PRKAR1A: variants seen among roughly 807,000 people sequenced by gnomAD.
The protein encoded by PRKAR1A is protein kinase cAMP-dependent type I regulatory subunit alpha, also known as cAMP-dependent protein kinase type I-alpha regulatory subunit.
PRKAR1A carries 3 observed loss-of-function variants against 52.0 expected under a neutral mutation model. The observed-to-expected ratio is 0.06, with a 90% CI of 0.03 to 0.15. The LOEUF (loss-of-function observed/expected upper bound fraction) is 0.15. Among genes scored for constraint, PRKAR1A ranks in the 10% least tolerant of loss-of-function variants. The pLI is 1.00. For missense variants in PRKAR1A, 240 were observed against 477.4 expected, an observed-to-expected ratio of 0.50 and a Z score of 4.63; for synonymous variants, 188 against 168.4, an observed-to-expected ratio of 1.12 and a Z score of -0.90.
the PRKAR1A span, among the ~76,000 whole-genome samples, chr17:68,462,799 G>A: frequency 2.9e-3 from 443 of 152,330 alleles, 2 homozygotes; most frequent in Non-Finnish European, 4.6e-3. Flanking sequence ...GAGGAGCAAG[G>A]GGTGAAGAGA....
chr17:68,490,513 G>A, the PRKAR1A span, among the ~76,000 whole-genome samples: 1 of 152,170 alleles, frequency 6.6e-6, no homozygotes, highest in Non-Finnish European at 1.5e-5. Context: ...TCCTGCACAG[G>A]GAGTGTTGGG....
chr17:68,536,782 G>T (rs765916426), downstream of PRKAR1A: 11 of 453,832 alleles, frequency 2.4e-5, no homozygotes, highest in African/African-American at 1.2e-4. Context: ...TGGCTGCTTA[G>T]TGTGACATAT....
At chr17:68,460,094 C>T in the PRKAR1A span, among the ~76,000 whole-genome samples, 494 of 152,344 alleles carry the variant, frequency 3.2e-3, 5 homozygotes, top group African/African-American at 0.011. Flanking sequence ...GCTGGGATTA[C>T]AGGCGTGAGC....
chr17:68,489,522 G>GTA, the PRKAR1A span, among the ~76,000 whole-genome samples: 961 of 143,066 alleles, frequency 6.7e-3, 42 homozygotes, highest in South Asian at 0.092. Context: ...TATGGAAAGT[G>GTA]TATATATATA....
the PRKAR1A span, chr17:68,421,668 C>A: frequency 6.6e-7 from 1 of 1,513,050 alleles, no homozygotes. Flanking sequence ...GGGATTCCTG[C>A]CCCCCTTTCT....
At chr17:68,457,451 G>A in the PRKAR1A span, 1 of 1,471,976 alleles carries the variant, frequency 6.8e-7, no homozygotes, top group Non-Finnish European at 9.0e-7. Flanking sequence ...GCCGCAGCTC[G>A]GAGCCGGCGA....
chr17:68,484,521 T>A, the PRKAR1A span, among the ~76,000 whole-genome samples: 1 of 152,056 alleles, frequency 6.6e-6, no homozygotes, highest in African/African-American at 2.4e-5. Flanking sequence ...CTGATATGGA[T>A]GCCTTTTATT....
At chr17:68,418,116 C>T in the PRKAR1A span, among the ~76,000 whole-genome samples, 5 of 152,132 alleles carry the variant, frequency 3.3e-5, no homozygotes, top group East Asian at 5.8e-4. Flanking sequence ...AGACTAGAAA[C>T]TGGGAGTCTC....
At chr17:68,536,953 A>G (rs1030538740), downstream of PRKAR1A, 1 of 454,296 alleles carries the variant, frequency 2.2e-6, no homozygotes, top group African/African-American at 2.0e-5. Context: ...TCCAGTGACT[A>G]GAATATGAGT....
At chr17:68,526,023 C>A (rs901070424) in intron 7 of PRKAR1A, 111 bp downstream of exon 7, 8 of 1,352,520 alleles carry the variant, frequency 5.9e-6, no homozygotes, top group Non-Finnish European at 8.1e-6. Flanking sequence ...GCAAATATTT[C>A]TTTCTTTTAA....
chr17:68,518,783 A>T (rs992884606), intron 2 of PRKAR1A, among the ~76,000 whole-genome samples: 4 of 152,034 alleles, frequency 2.6e-5, no homozygotes, highest in African/African-American at 9.7e-5. Context: ...AGAAAATGGG[A>T]TTTTCTTTTC....
At chr17:68,422,043 C>CTG in the PRKAR1A span, 45 of 584,802 alleles carry the variant, frequency 7.7e-5, no homozygotes, top group African/African-American at 4.1e-4. Context: ...AAAAATGTCT[C>CTG]TGTGTGTGTG....
At chr17:68,494,810 C>T in the PRKAR1A span, among the ~76,000 whole-genome samples, 1 of 152,086 alleles carries the variant, frequency 6.6e-6, no homozygotes, top group Non-Finnish European at 1.5e-5. Flanking sequence ...TGAATGCCAC[C>T]CCTGACCTCA....
rs753017398 is a variant in PRKAR1A at position 68,541,962 on chromosome 17, G to C, written c.974-9122G>C. 2.6e-5 allele frequency: 42 copies of C among 1,608,606 alleles called. No individual in the cohort carries two copies. The Middle Eastern group carries it at 7.0e-4, about 27-fold the overall frequency. On this transcript the variant is annotated intron_variant, in intron 11 of 11. Coordinates refer to the PRKAR1A transcript ENST00000585981. Reference sequence around the variant, plus strand: ...TGTGGCTACTGTCAAGGACTGGGCTGTGTGGCCTGGGGACCAACTCACTCC... The same window carrying C: ...TGTGGCTACTGTCAAGGACTGGGCTCTGTGGCCTGGGGACCAACTCACTCC...
At position 68,520,990 on chromosome 17, in the gene PRKAR1A, G is replaced by A. The variant is rs182505324; in HGVS notation, c.178-1766G>A. Among the ~76,000 whole-genome samples the A allele has an allele frequency of 7.1e-4, 108 of 152,208 alleles. 1 individual carries two copies. The highest frequency in any genetic ancestry group is 1.1e-3 in the Non-Finnish European group (74 of 68,012). On this transcript the variant is annotated intron_variant, in intron 2 of 10. Transcript: ENST00000589228. ...ACAGTCTTGCTCTGTCACCCAGGCT[G>A]GACTGCAGTGGTGCAATCTCGGCTC...
At chr17:68,443,620 C>G in the PRKAR1A span, among the ~76,000 whole-genome samples, 1 of 152,106 alleles carries the variant, frequency 6.6e-6, no homozygotes, top group Non-Finnish European at 1.5e-5. Context: ...CATAAGGGAA[C>G]CAAGGTTCAA....
In PRKAR1A at chr17:68,530,631, A is replaced by G; in HGVS notation, c.*182A>G. The G allele has an allele frequency of 6.6e-7, 1 of 1,507,516 alleles. No individual in the cohort carries two copies. The highest frequency in any genetic ancestry group is 8.8e-7 in the Non-Finnish European group (1 of 1,130,930). The allele number at this position is 1,507,516 out of a possible 1,614,324, so 93.4% of individuals were successfully genotyped here. A position where few individuals can be genotyped will look rare whatever the true frequency, so the allele number is the denominator to read the frequency against. On this transcript the variant is annotated 3_prime_UTR_variant, in exon 11 of 11. Coordinates refer to ENST00000589228, the MANE Select transcript of PRKAR1A (RefSeq NM_002734.5). ...AATTTGGAGCATTAACTAAATGCTC[A>G]TACACAGTTAAATAAATAGAAAGAG...
chr17:68,487,027 C>G, the PRKAR1A span, among the ~76,000 whole-genome samples: 7 of 152,234 alleles, frequency 4.6e-5, no homozygotes, highest in East Asian at 9.7e-4. Context: ...GTTTCTGCCA[C>G]CGCACCCGGC....
the PRKAR1A span, among the ~76,000 whole-genome samples, chr17:68,431,987 C>A: frequency 6.6e-6 from 1 of 152,172 alleles, no homozygotes; most frequent in Non-Finnish European, 1.5e-5. Context: ...AAACCCATGA[C>A]AACAGATGAT....
Sources: gnomAD v4.1 joint callset for allele counts (sites outside exome capture counted in the v4.1 genomes callset) on GRCh38, gnomAD v4.1.1 for gene constraint, MANE v1.5 for transcripts, NCBI Gene and HGNC (gene_info 2026-07-23, HGNC 2026-07-21) for gene names.